The following CPXM2 variants were observed in gnomAD, a reference collection of about 807,000 sequenced individuals.
CPXM2 encodes the protein carboxypeptidase X, M14 family member 2.
Under a neutral mutation model 86.1 loss-of-function variants are expected in CPXM2, and 66 were observed. The ratio of observed to expected loss-of-function variants is 0.77; its 90% CI spans 0.63 to 0.94. The LOEUF is 0.94. Ranked by LOEUF, CPXM2 falls within the 40% of genes least tolerant of loss-of-function variation. The probability of loss-of-function intolerance (pLI) is 0.00; values close to 1 mark genes in which losing one functional copy is unlikely to be tolerated. For synonymous variants in CPXM2, 388 were observed against 400.2 expected (o/e 0.97, Z 0.36); for missense variants, 948 against 1,026.3 (o/e 0.92, Z 1.04).
At chr10:123,784,103 A>G (rs1323268099) in intron 6 of CPXM2, among the ~76,000 whole-genome samples, 5 of 152,130 alleles carry the variant, frequency 3.3e-5, no homozygotes, top group Non-Finnish European at 7.3e-5. Context: ...TTGGAGATGG[A>G]GTTCTTATGA....
At chr10:123,829,945 A>G (rs1280353842) in intron 4 of CPXM2, among the ~76,000 whole-genome samples, 1 of 129,508 alleles carries the variant, frequency 7.7e-6, no homozygotes, top group Non-Finnish European at 1.5e-5. Flanking sequence ...CCTGGAAGCC[A>G]TTTGAGAAAA....
chr10:123,857,542 C>T (rs59425905), intron 3 of CPXM2, among the ~76,000 whole-genome samples: 21,623 of 143,452 alleles, frequency 0.15, 2,350 homozygotes, highest in East Asian at 0.38. Context: ...GTGATGCCAG[C>T]GATGGAAGGC....
At chr10:123,850,520 C>T (rs867858677) in intron 3 of CPXM2, among the ~76,000 whole-genome samples, 1 of 150,366 alleles carries the variant, frequency 6.7e-6, no homozygotes, top group African/African-American at 2.5e-5. Flanking sequence ...CTTTGTCTGG[C>T]GATCCACACT....
At position 123,757,385 on chromosome 10, in the gene CPXM2, A is replaced by G. The variant is rs764694701; in HGVS notation, c.1778-33T>C. ...GCCAACCGGACAACACTTTAACTGA[A>G]CAATACTCAAAATGGCACTGGGGAA... On this transcript the variant is annotated intron_variant, in intron 11 of 13. Coordinates refer to ENST00000241305, the MANE Select transcript of CPXM2 (RefSeq NM_198148.3). The G allele has an allele frequency of 3.8e-6, 6 of 1,593,814 alleles. No individual in the cohort carries two copies. The Admixed American group carries it at 6.7e-5, about 18-fold the overall frequency.
intron 4 of CPXM2, among the ~76,000 whole-genome samples, chr10:123,807,129 GT>G (rs1047432726): frequency 2.0e-5 from 3 of 152,124 alleles, no homozygotes; most frequent in African/African-American, 7.2e-5. Flanking sequence ...AATATGAGCT[GT>G]TAATAAGAAC....
intron 7 of CPXM2, among the ~76,000 whole-genome samples, chr10:123,775,302 A>G (rs559845113): frequency 1.8e-4 from 27 of 152,370 alleles, no homozygotes; most frequent in African/African-American, 6.5e-4. Context: ...AGCCAACAGC[A>G]TCGACCTTAG....
At chr10:123,912,679 G>A (rs866573745) in intron 2 of CPXM2, among the ~76,000 whole-genome samples, 28 of 152,362 alleles carry the variant, frequency 1.8e-4, no homozygotes, top group African/African-American at 6.5e-4. Context: ...TCTCCACTCC[G>A]GCTGGAGGAA....
chr10:123,822,629 T>C (rs1001180274), intron 4 of CPXM2, among the ~76,000 whole-genome samples: 1 of 151,970 alleles, frequency 6.6e-6, no homozygotes, highest in Non-Finnish European at 1.5e-5. Context: ...TAGGTGAGGA[T>C]TGGGTGGCAT....
intron 2 of CPXM2, among the ~76,000 whole-genome samples, chr10:123,877,411 G>C (rs1392274124): frequency 6.6e-6 from 1 of 152,192 alleles, no homozygotes; most frequent in African/African-American, 2.4e-5. Context: ...TTACTTTCAG[G>C]TGTCTGTAGA....
intron 2 of CPXM2, among the ~76,000 whole-genome samples, chr10:123,869,331 G>C (rs1378097284): frequency 6.6e-6 from 1 of 152,068 alleles, no homozygotes; most frequent in Non-Finnish European, 1.5e-5. Flanking sequence ...GCCTCAAGAC[G>C]AGCTCCCCAT....
chr10:123,811,078 A>T (rs1339603883), intron 4 of CPXM2, among the ~76,000 whole-genome samples: 2 of 152,212 alleles, frequency 1.3e-5, no homozygotes, highest in South Asian at 2.1e-4. Context: ...ACTGAATATT[A>T]ATATAGAAAA....
At chr10:123,848,326 A>G (rs1878616) in intron 3 of CPXM2, among the ~76,000 whole-genome samples, 17,119 of 152,236 alleles carry the variant, frequency 0.11, 1,055 homozygotes, top group Middle Eastern at 0.21. Flanking sequence ...TTGGCAATGC[A>G]CCTTGTCCCA....
rs990304573 is a variant in CPXM2 at position 123,887,697 on chromosome 10, G to A, written c.304+3659C>T. On this transcript the variant is annotated intron_variant, in intron 1 of 13. Transcript: ENST00000241305. ...AACCCCCTTCCTCCTCTGTTGGCACGTACACACAACACACACACACACATA... is the reference window on the plus strand; with the variant it reads ...AACCCCCTTCCTCCTCTGTTGGCACATACACACAACACACACACACACATA... 2.0e-4 allele frequency among the ~76,000 whole-genome samples: 30 copies of A among 151,318 alleles called. 1 individual carries two copies. Among genetic ancestry groups the A allele is most frequent in the Non-Finnish European group, 4.4e-5 (3 of 67,966 alleles).
At chr10:123,894,676 C>T (rs1564816552), upstream of CPXM2, among the ~76,000 whole-genome samples, 3 of 152,182 alleles carry the variant, frequency 2.0e-5, no homozygotes, top group South Asian at 4.1e-4. Context: ...GAGGGTCCTG[C>T]GTTCTTCAGC....
At chr10:123,896,552 G>A (rs1197440035), upstream of CPXM2, among the ~76,000 whole-genome samples, 3 of 152,060 alleles carry the variant, frequency 2.0e-5, no homozygotes, top group Non-Finnish European at 4.4e-5. Flanking sequence ...TGTACATTTG[G>A]CATCTTTTGA....
At chr10:123,805,847 C>T (rs373305926) in intron 4 of CPXM2, among the ~76,000 whole-genome samples, 7 of 152,236 alleles carry the variant, frequency 4.6e-5, no homozygotes, top group African/African-American at 1.2e-4. Context: ...CTTAAGATTA[C>T]AATATGCATC....
chr10:123,899,117 G>A lies in CPXM2; in HGVS notation n.175-18808C>T, dbSNP rs28468652. Among the ~76,000 whole-genome samples the A allele has an allele frequency of 9.5e-3, 1,454 of 152,274 alleles. 56 individuals are homozygous for A. Among genetic ancestry groups the A allele is most frequent in the East Asian group, 0.084 (435 of 5,188 alleles). ...ACTTAGATAATTTTATTATGCTAAT[G>A]TAATCTTAATTCTAAAACCAGAGAA... On this transcript the variant is annotated intron_variant and non_coding_transcript_variant, in intron 2 of 19. Coordinates refer to the CPXM2 transcript ENST00000368854.
intron 4 of CPXM2, among the ~76,000 whole-genome samples, chr10:123,799,747 A>G (rs2134070212): frequency 6.6e-6 from 1 of 152,210 alleles, no homozygotes; most frequent in East Asian, 1.9e-4. Context: ...GACAATCCCC[A>G]CCCCAGGAAG....
intron 1 of CPXM2, among the ~76,000 whole-genome samples, chr10:123,887,780 G>A (rs1945202684): frequency 6.6e-6 from 1 of 152,104 alleles, no homozygotes; most frequent in Admixed American, 6.5e-5. Flanking sequence ...GAAGTATCTT[G>A]TACTAGAATC....
Sources: gnomAD v4.1 joint callset for allele counts (sites outside exome capture counted in the v4.1 genomes callset) on GRCh38, gnomAD v4.1.1 for gene constraint, MANE v1.5 for transcripts, NCBI Gene and HGNC (gene_info 2026-07-23, HGNC 2026-07-21) for gene names.